SNX29: variants seen among roughly 807,000 people sequenced by gnomAD.
SNX29 encodes the protein sorting nexin-29.
Under a neutral mutation model 102.1 loss-of-function variants are expected in SNX29, and 78 were observed. The observed-to-expected ratio is 0.76, with a 90% CI of 0.64 to 0.92. The LOEUF is 0.92. Ranked by LOEUF, SNX29 falls within the 40% of genes least tolerant of loss-of-function variation. The pLI, the probability that SNX29 is intolerant of heterozygous loss-of-function variation, is 0.00. For missense variants in SNX29, 1,280 were observed against 1,061.7 expected (o/e 1.21, Z -2.86); for synonymous variants, 580 against 414.5 (o/e 1.40, Z -4.85).
At chr16:12,059,957 C>G (rs1000948399) in intron 8 of SNX29, among the ~76,000 whole-genome samples, 1 of 152,132 alleles carries the variant, frequency 6.6e-6, no homozygotes, top group Non-Finnish European at 1.5e-5. Flanking sequence ...GCCTCCCTTC[C>G]CTTTGTCTGC....
rs370310558 is a variant in SNX29, at chr16:12,398,469, G to A, written c.1923G>A (p.Thr641=). Residue 641 remains threonine, a synonymous_variant, in exon 17 of 21, where the codon ACG becomes ACA. Transcript: ENST00000566228. ...RGPVPGDLSQ[T]SEDQSLSDFE... ...AGGTGCCTGGAGATTTGAGTCAAAC[G>A]TCCGAAGACCAGAGTTTGTCGGATT... 32 of 1,613,864 alleles carry A rather than the reference G, an allele frequency of 2.0e-5. 1 individual carries two copies. Among genetic ancestry groups the A allele is most frequent in the South Asian group, 4.4e-5 (4 of 91,088 alleles).
intron 16 of SNX29, among the ~76,000 whole-genome samples, chr16:12,387,791 G>C (rs1420703557): frequency 6.6e-6 from 1 of 152,124 alleles, no homozygotes; most frequent in Non-Finnish European, 1.5e-5. Flanking sequence ...AAACTAATCA[G>C]TGAAGAGCTT....
At chr16:12,492,862 A>T (rs1312225130) in intron 19 of SNX29, among the ~76,000 whole-genome samples, 1 of 152,120 alleles carries the variant, frequency 6.6e-6, no homozygotes, top group Non-Finnish European at 1.5e-5. Flanking sequence ...ATTATTTCTG[A>T]GGGCTCTGTT....
intron 18 of SNX29, among the ~76,000 whole-genome samples, chr16:12,430,415 C>A (rs545264065): frequency 6.6e-6 from 1 of 152,332 alleles, no homozygotes; most frequent in South Asian, 2.1e-4. Context: ...TCTCCAAGAA[C>A]AGACCTGAGG....
chr16:11,996,763 G>C (rs2056088980), intron 1 of SNX29, among the ~76,000 whole-genome samples: 1 of 152,142 alleles, frequency 6.6e-6, no homozygotes, highest in Admixed American at 6.6e-5. Flanking sequence ...CTGAAACAAA[G>C]AGCGTTTGAT....
chr16:12,422,636 C>T (rs2084916451), intron 18 of SNX29, among the ~76,000 whole-genome samples: 2 of 152,186 alleles, frequency 1.3e-5, no homozygotes, highest in East Asian at 3.9e-4. Context: ...GTTGAGATTC[C>T]TCGTCCCATC....
Position 11,978,512 on chromosome 16 carries a change from G to C in SNX29, c.7+1699G>C, listed in dbSNP as rs531577977. Among the ~76,000 whole-genome samples the C allele has an allele frequency of 2.0e-5, 3 of 152,278 alleles. No homozygotes were observed. The South Asian group carries it at 6.2e-4, about 32-fold the overall frequency. ...AAGTGACTGGTACTGTGAATATCACGAGGTGCATTGTCAGAATCTCAGAGC... is the reference window on the plus strand; with the variant it reads ...AAGTGACTGGTACTGTGAATATCACCAGGTGCATTGTCAGAATCTCAGAGC... On this transcript the variant is annotated intron_variant, in intron 1 of 20. Transcript: ENST00000566228.
In SNX29 at chr16:12,573,894, G is replaced by T. The variant is rs554064328; in HGVS notation, c.*5265G>T. 1 of 206,098 alleles carries T rather than the reference G, an allele frequency of 4.9e-6. No homozygotes were observed. Among genetic ancestry groups the T allele is most frequent in the South Asian group, 1.9e-4 (1 of 5,288 alleles). 12.8% of individuals were successfully genotyped at this position (206,098 alleles called of 1,614,324 possible). A position where few individuals can be genotyped will look rare whatever the true frequency, so the allele number is the denominator to read the frequency against. On this transcript the variant is annotated 3_prime_UTR_variant, in exon 21 of 21. Transcript: ENST00000566228. ...TCATCCCTGGCTTAGCCGTCAGGTAGAACGCTTACTCACCTGACACCGACT... is the reference window on the plus strand; with the variant it reads ...TCATCCCTGGCTTAGCCGTCAGGTATAACGCTTACTCACCTGACACCGACT...
chr16:12,480,840 T>G (rs190851131), intron 19 of SNX29, among the ~76,000 whole-genome samples: 31 of 152,344 alleles, frequency 2.0e-4, no homozygotes, highest in Admixed American at 1.2e-3. Flanking sequence ...GTCCTGGGTC[T>G]CTGCTGTGCA....
intron 19 of SNX29, among the ~76,000 whole-genome samples, chr16:12,482,033 G>A (rs2087965295): frequency 6.6e-6 from 1 of 152,160 alleles, no homozygotes; most frequent in African/African-American, 2.4e-5. Context: ...TCATTTCAAG[G>A]CCAAGCTTAT....
intron 7 of SNX29, among the ~76,000 whole-genome samples, chr16:12,051,007 C>G (rs1429399313): frequency 6.6e-6 from 1 of 152,146 alleles, no homozygotes; most frequent in Non-Finnish European, 1.5e-5. Context: ...AGGCGTGAGC[C>G]ACCGCGCCCG....
At chr16:12,056,789 GTTTTGTTCTT>G (rs1410869774) in intron 8 of SNX29, among the ~76,000 whole-genome samples, 1 of 152,024 alleles carries the variant, frequency 6.6e-6, no homozygotes, top group African/African-American at 2.4e-5. Context: ...TTACGGTCAG[GTTTTGTTCTT>G]TTGTTCTTTT....
At chr16:12,520,129 C>A (rs1175976959) in intron 19 of SNX29, among the ~76,000 whole-genome samples, 1 of 152,208 alleles carries the variant, frequency 6.6e-6, no homozygotes. Flanking sequence ...GAGTCCTGTG[C>A]CGCGATTCAG....
intron 10 of SNX29, 36 bp downstream of exon 10, chr16:12,069,168 A>G: frequency 6.4e-7 from 1 of 1,557,854 alleles, no homozygotes; most frequent in Non-Finnish European, 8.8e-7. Flanking sequence ...TGTGGCATTA[A>G]AACATCCTAT....
intron 14 of SNX29, among the ~76,000 whole-genome samples, chr16:12,261,062 G>A (rs765379512): frequency 6.7e-6 from 1 of 148,160 alleles, no homozygotes; most frequent in Non-Finnish European, 1.5e-5. Context: ...TGGGGTCTGC[G>A]CATGAGTCCC....
chr16:12,536,954 C>A (rs148372233), intron 20 of SNX29, among the ~76,000 whole-genome samples: 2 of 151,894 alleles, frequency 1.3e-5, no homozygotes, highest in African/African-American at 2.4e-5. Flanking sequence ...CCAGCCTAGG[C>A]GACAGAGTGA....
chr16:12,548,802 CTGT>C (rs965134209), intron 20 of SNX29, among the ~76,000 whole-genome samples: 216 of 152,318 alleles, frequency 1.4e-3, no homozygotes, highest in African/African-American at 4.4e-3. Context: ...CATAGCTGGG[CTGT>C]TGTTTTCCTA....
At chr16:12,411,094 C>G (rs1232294101) in intron 18 of SNX29, among the ~76,000 whole-genome samples, 1 of 152,184 alleles carries the variant, frequency 6.6e-6, no homozygotes, top group East Asian at 1.9e-4. Context: ...GATGTGGGCT[C>G]TGAGAAGCCT....
At chr16:12,121,464 G>T (rs1596968180) in intron 11 of SNX29, among the ~76,000 whole-genome samples, 1 of 152,222 alleles carries the variant, frequency 6.6e-6, no homozygotes, top group African/African-American at 2.4e-5. Flanking sequence ...CACTTCTCCC[G>T]CTGGCCCTTG....
Sources: gnomAD v4.1 joint callset for allele counts (sites outside exome capture counted in the v4.1 genomes callset) on GRCh38, gnomAD v4.1.1 for gene constraint, MANE v1.5 for transcripts, NCBI Gene and HGNC (gene_info 2026-07-23, HGNC 2026-07-21) for gene names.